SYT1: variants seen among roughly 807,000 people sequenced by gnomAD.
The protein encoded by SYT1 is synaptotagmin-1.
In SYT1, 8 loss-of-function variants were observed where a neutral mutation model predicts 44.8. The observed-to-expected ratio is 0.18, with a 90% CI of 0.10 to 0.32. SYT1 has a LOEUF of 0.32. SYT1 is among the 10% of genes least tolerant of loss of function. The pLI is 1.00. For missense variants in SYT1, 286 were observed against 509.3 expected (o/e 0.56, Z 4.22); for synonymous variants, 154 against 188.8 (o/e 0.82, Z 1.51).
Position 79,005,972 on chromosome 12 carries a change from C to A in SYT1, c.-84+28041C>A, listed in dbSNP as rs569023183. On this transcript the variant is annotated intron_variant, in intron 2 of 10. Transcript: ENST00000261205. ...ATAGGCGCTCTGTTTGCCTACATTT[C>A]TTTTCCCTAATTGTTTTGCATTGAA... Among the ~76,000 whole-genome samples the A allele has an allele frequency of 3.2e-4, 48 of 152,186 alleles. 1 individual carries two copies. In the South Asian group the frequency reaches 9.1e-3, roughly 29 times the overall value.
chr12:79,371,948 T>C (rs1021913833), intron 9 of SYT1, among the ~76,000 whole-genome samples: 5 of 152,238 alleles, frequency 3.3e-5, no homozygotes, highest in African/African-American at 9.6e-5. Context: ...ACCTTTATAC[T>C]GTCCACGTTT....
chr12:78,886,015 A>G (rs752812384), intron 1 of SYT1, among the ~76,000 whole-genome samples: 1 of 151,844 alleles, frequency 6.6e-6, no homozygotes, highest in Non-Finnish European at 1.5e-5. Context: ...TCCATTTTTT[A>G]TAAGAAATGG....
chr12:79,426,879 T>C (rs903904110), intron 9 of SYT1, among the ~76,000 whole-genome samples: 50 of 151,838 alleles, frequency 3.3e-4, no homozygotes, highest in African/African-American at 1.2e-3. Context: ...ATTGGGGGAG[T>C]TTCCCCCATG....
chr12:79,046,263 G>A (rs184838871), intron 2 of SYT1: 20 of 152,300 alleles, frequency 1.3e-4, no homozygotes, highest in African/African-American at 4.8e-4. Context: ...TTACCTATGT[G>A]ACCCAATAGC....
At chr12:79,197,832 C>A (rs1202291062) in intron 3 of SYT1, among the ~76,000 whole-genome samples, 1 of 151,946 alleles carries the variant, frequency 6.6e-6, no homozygotes, top group East Asian at 1.9e-4. Flanking sequence ...CAAATTTGAT[C>A]CCTCAGAGAA....
At chr12:79,156,718 C>T (rs1323403151) in intron 3 of SYT1, among the ~76,000 whole-genome samples, 1 of 152,188 alleles carries the variant, frequency 6.6e-6, no homozygotes, top group Non-Finnish European at 1.5e-5. Flanking sequence ...CTGCCCGCCT[C>T]AGCCTCCCAA....
intron 9 of SYT1, among the ~76,000 whole-genome samples, chr12:79,424,128 G>A (rs1448965596): frequency 6.6e-6 from 1 of 151,988 alleles, no homozygotes; most frequent in African/African-American, 2.4e-5. Flanking sequence ...AATTCGAATG[G>A]CACTAGCTTA....
intron 4 of SYT1, among the ~76,000 whole-genome samples, chr12:79,218,877 C>T (rs1017178992): frequency 1.1e-4 from 17 of 152,126 alleles, no homozygotes; most frequent in Non-Finnish European, 2.1e-4. Flanking sequence ...GGATACATAC[C>T]GGGTAGTAGG....
intron 9 of SYT1, among the ~76,000 whole-genome samples, chr12:79,394,357 A>C (rs1038033921): frequency 2.0e-5 from 3 of 152,224 alleles, no homozygotes; most frequent in Non-Finnish European, 4.4e-5. Context: ...AATTGAAAAC[A>C]GTAAAAATGC....
At chr12:79,292,153 C>G (rs569960707) in intron 6 of SYT1, 23 bp downstream of exon 6, 5 of 1,598,534 alleles carry the variant, frequency 3.1e-6, no homozygotes, top group Non-Finnish European at 3.4e-6. Context: ...GAAATGTCTT[C>G]TAATTCCATT....
intron 8 of SYT1, among the ~76,000 whole-genome samples, chr12:79,304,496 AATG>A (rs1291935826): frequency 2.0e-5 from 3 of 152,190 alleles, no homozygotes; most frequent in Non-Finnish European, 4.4e-5. Flanking sequence ...TGGTTTTGAA[AATG>A]ATAATAGATT....
intron 8 of SYT1, among the ~76,000 whole-genome samples, chr12:79,329,033 G>C (rs908249554): frequency 1.3e-5 from 2 of 152,204 alleles, no homozygotes; most frequent in South Asian, 2.1e-4. Context: ...ATCCCAGTTA[G>C]CAGCCAGGTA....
chr12:78,978,232 C>A (rs1309767691), intron 2 of SYT1, among the ~76,000 whole-genome samples: 1 of 152,150 alleles, frequency 6.6e-6, no homozygotes, highest in Non-Finnish European at 1.5e-5. Context: ...TCTATCAAAT[C>A]CAAAGTTGTC....
intron 4 of SYT1, among the ~76,000 whole-genome samples, chr12:79,228,120 T>C (rs1310353879): frequency 6.6e-6 from 1 of 151,682 alleles, no homozygotes; most frequent in Non-Finnish European, 1.5e-5. Context: ...TTCACATATC[T>C]GATAATGCCT....
At position 79,217,688 on chromosome 12, in the gene SYT1, G is replaced by C. The variant is rs1387039850; in HGVS notation, c.166+3G>C. 1 of 1,610,840 alleles carries C rather than the reference G, an allele frequency of 6.2e-7. No individual in the cohort carries two copies. The highest frequency in any genetic ancestry group is 1.3e-5 in the African/African-American group (1 of 74,668). ...GAATGAGTTGCATAAAATTCCATGT[G>C]AGTATTCTATATTAGTACTTGAGTA... On this transcript the variant is annotated splice_donor_region_variant and intron_variant, in intron 4 of 10. Coordinates refer to ENST00000261205, the MANE Select transcript of SYT1 (RefSeq NM_005639.3).
chr12:79,391,685 C>T (rs1475881079), intron 9 of SYT1, among the ~76,000 whole-genome samples: 1 of 152,018 alleles, frequency 6.6e-6, no homozygotes, highest in East Asian at 1.9e-4. Flanking sequence ...TTAGTTGATT[C>T]CCGCCCCCCA....
intron 8 of SYT1, among the ~76,000 whole-genome samples, chr12:79,311,383 G>C (rs201058687): frequency 0.013 from 1,405 of 111,546 alleles, no homozygotes; most frequent in South Asian, 0.02. Flanking sequence ...TGCTGGAGAG[G>C]ATGTGGAGAA....
intron 3 of SYT1, among the ~76,000 whole-genome samples, chr12:79,122,463 G>T (rs1224297517): frequency 7.4e-6 from 1 of 134,328 alleles, no homozygotes; most frequent in Non-Finnish European, 1.5e-5. Context: ...GCAGTGAGCC[G>T]AGATCGCGCC....
chr12:78,934,355 T>C (rs1337673643), intron 1 of SYT1, among the ~76,000 whole-genome samples: 1 of 151,776 alleles, frequency 6.6e-6, no homozygotes, highest in Non-Finnish European at 1.5e-5. Context: ...AACCTATCTC[T>C]ACAAAAACAA....
Sources: gnomAD v4.1 joint callset for allele counts (sites outside exome capture counted in the v4.1 genomes callset) on GRCh38, gnomAD v4.1.1 for gene constraint, MANE v1.5 for transcripts, NCBI Gene and HGNC (gene_info 2026-07-23, HGNC 2026-07-21) for gene names.